The following CNDP2 variants were observed in gnomAD, a reference collection of about 807,000 sequenced individuals.
The protein encoded by CNDP2 is carnosine dipeptidase 2, also known as cytosolic non-specific dipeptidase.
A neutral mutation model predicts 55.0 loss-of-function variants in CNDP2; 38 were observed. That is an observed-to-expected ratio of 0.69 (90% CI 0.53 to 0.90). CNDP2 has a LOEUF of 0.90. CNDP2 is among the 40% of genes least tolerant of loss of function. CNDP2 has a pLI of 0.00. For missense variants in CNDP2, 607 were observed against 621.7 expected, an observed-to-expected ratio of 0.98 and a Z score of 0.25; for synonymous variants, 241 against 260.2, an observed-to-expected ratio of 0.93 and a Z score of 0.71.
chr18:74,500,634 T>C (rs17089353), intron 2 of CNDP2, among the ~76,000 whole-genome samples: 12,804 of 152,236 alleles, frequency 0.084, 1,239 homozygotes, highest in African/African-American at 0.24. Context: ...ACATTTTTCT[T>C]TTGTACTCTA....
Position 74,506,024 on chromosome 18 carries a change from C to T in CNDP2, c.367+13C>T, listed in dbSNP as rs754796315. On this transcript the variant is annotated intron_variant, in intron 4 of 11. Coordinates refer to ENST00000324262, the MANE Select transcript of CNDP2 (RefSeq NM_018235.3). The stretch of plus-strand genomic sequence containing the variant: ...GTGGAGCGAGACGGTGAGCGCCGCG[C>T]GCCTATGCGTGCCCAGAGGAAAGGC... 2.6e-5 allele frequency: 40 copies of T among 1,553,484 alleles called. No homozygotes were observed. The African/African-American group carries it at 2.7e-4, about 10-fold the overall frequency.
At chr18:74,513,061 C>T (rs1011086501) in intron 7 of CNDP2, among the ~76,000 whole-genome samples, 1 of 152,240 alleles carries the variant, frequency 6.6e-6, no homozygotes, top group Non-Finnish European at 1.5e-5. Flanking sequence ...CGCCAGCTGC[C>T]TGCGTGACGT....
At chr18:74,507,301 C>T (rs139679511) in intron 4 of CNDP2, 1 of 152,782 alleles carries the variant, frequency 6.5e-6, no homozygotes. Flanking sequence ...ATCTCTCTGC[C>T]ACCTGCACTG....
intron 11 of CNDP2, 64 bp from the exon 12 acceptor site, chr18:74,519,935 C>T: frequency 5.4e-6 from 8 of 1,480,330 alleles, no homozygotes; most frequent in Non-Finnish European, 7.5e-6. Flanking sequence ...CGGGAGGAGT[C>T]ACCCCACACC....
chr18:74,498,194 C>T (rs780412032), intron 1 of CNDP2, among the ~76,000 whole-genome samples: 2 of 152,014 alleles, frequency 1.3e-5, no homozygotes, highest in East Asian at 1.9e-4. Flanking sequence ...CATTGTTAGG[C>T]GATTCGTTGT....
chr18:74,510,675 G>T, intron 5 of CNDP2, 138 bp from the exon 6 acceptor site: 3 of 726,386 alleles, frequency 4.1e-6, no homozygotes, highest in South Asian at 1.8e-5. Flanking sequence ...TGGGGAGGGG[G>T]TGATGACAGG....
At chr18:74,506,156 CAG>C in intron 4 of CNDP2, 145 bp downstream of exon 4, 5 of 720,098 alleles carry the variant, frequency 6.9e-6, no homozygotes, top group Non-Finnish European at 9.5e-6. Flanking sequence ...TTTTTTGAGA[CAG>C]AGTCTCACTC....
rs1980083993 is a variant in CNDP2 at position 74,522,086 on chromosome 18, C to CT, written c.*2019dup. 2.6e-5 allele frequency: 4 copies of CT among 152,330 alleles called. No homozygotes were observed. In the South Asian group the frequency reaches 8.3e-4, roughly 32 times the overall value. The allele number at this position is 152,330 out of a possible 1,614,324, so 9.4% of individuals were successfully genotyped here. ...TAGTTGGTTTTACGTGGATGTTAAT[C>CT]TCTTAGTTTTGATCATTGTGCTGTA... On this transcript the variant is annotated 3_prime_UTR_variant, in exon 12 of 12. Transcript: ENST00000324262.
chr18:74,517,028 C>T (rs1979715013), intron 9 of CNDP2: 1 of 150,692 alleles, frequency 6.6e-6, no homozygotes, highest in Non-Finnish European at 1.5e-5. Context: ...AAACGGATTC[C>T]TCACTGTTTC....
At chr18:74,519,877 C>T (rs1979947912) in intron 11 of CNDP2, 122 bp from the exon 12 acceptor site, 2 of 826,690 alleles carry the variant, frequency 2.4e-6, no homozygotes, top group East Asian at 5.5e-5. Flanking sequence ...GGCCCCCAAG[C>T]TGGGATGGGG....
At chr18:74,512,244 G>A in intron 6 of CNDP2, 1 of 552,028 alleles carries the variant, frequency 1.8e-6, no homozygotes, top group Non-Finnish European at 3.2e-6. Flanking sequence ...TCTGTGGTTG[G>A]CATATGCCAC....
intron 1 of CNDP2, among the ~76,000 whole-genome samples, chr18:74,498,427 G>A (rs1291521651): frequency 2.0e-5 from 3 of 152,076 alleles, no homozygotes; most frequent in African/African-American, 7.2e-5. Flanking sequence ...TGGGACCACC[G>A]CTGTTGTTGA....
chr18:74,513,519 G>T, intron 7 of CNDP2, 40 bp from the exon 8 acceptor site: 1 of 1,578,384 alleles, frequency 6.3e-7, no homozygotes. Flanking sequence ...CCTTGGTGCG[G>T]CCTCCCCTGA....
intron 3 of CNDP2, among the ~76,000 whole-genome samples, chr18:74,504,180 G>A (rs544824657): frequency 1.4e-5 from 2 of 145,838 alleles, no homozygotes; most frequent in East Asian, 2.1e-4. Context: ...CACTGCACAC[G>A]CAGCCACACT....
At chr18:74,501,520 C>G in intron 3 of CNDP2, 48 bp downstream of exon 3, 3 of 1,555,902 alleles carry the variant, frequency 1.9e-6, no homozygotes, top group Non-Finnish European at 2.6e-6. Flanking sequence ...CAGATTCTGC[C>G]TGAGGGGTTG....
chr18:74,507,210 C>T (rs1217684549), intron 4 of CNDP2: 1 of 152,396 alleles, frequency 6.6e-6, no homozygotes, highest in Non-Finnish European at 1.5e-5. Flanking sequence ...CGTGCCCTCA[C>T]TCCTGGAACT....
chr18:74,522,144 C>T lies in CNDP2; in HGVS notation c.*2076C>T, dbSNP rs1221648478. 1 of 152,230 alleles carries T rather than the reference C, an allele frequency of 6.6e-6. No homozygotes were observed. The highest frequency in any genetic ancestry group is 1.5e-5 in the Non-Finnish European group (1 of 68,052). 9.4% of individuals were successfully genotyped at this position (152,230 alleles called of 1,614,324 possible). On this transcript the variant is annotated 3_prime_UTR_variant, in exon 12 of 12. Transcript: ENST00000324262. ...AAGAGGTTAGCTGGGTGAAGTGTAT[C>T]TGGGGACCCTCTATGGCTTTTGCAT...
rs1979666349 is a variant in CNDP2 at position 74,516,375 on chromosome 18, G to A, written c.1051G>A (p.Glu351Lys). The A allele has an allele frequency of 6.2e-7, 1 of 1,611,704 alleles. No individual in the cohort carries two copies. Among genetic ancestry groups the A allele is most frequent in the African/African-American group, 1.3e-5 (1 of 75,002 alleles). Reference sequence around the variant, plus strand: ...CAGGCTCGTGCCGAACATGACTCCTGAAGTCGTCGGCGAGCAGGCATGTGG... The same window carrying A: ...CAGGCTCGTGCCGAACATGACTCCTAAAGTCGTCGGCGAGCAGGCATGTGG... ...SIRLVPNMTP[E>K]VVGEQVTSYL... The change falls in exon 9 of 12, where the codon GAA (glutamate) becomes AAA (lysine). Residue 351 changes from glutamate to lysine, a missense_variant. By Grantham distance (56) the Glu-to-Lys change is moderately conservative. Transcript: ENST00000324262.
chr18:74,505,856 A>G lies in CNDP2; in HGVS notation c.212A>G (p.Asp71Gly), dbSNP rs1285799569. The G allele has an allele frequency of 1.9e-6, 3 of 1,612,202 alleles. No individual in the cohort carries two copies. Residue 71 changes from aspartate to glycine, a missense_variant, in exon 4 of 12, where the codon GAT becomes GGT. Transcript: ENST00000324262. ...TTTCCTCTCCATGCTCAGCTCCCTG[A>G]TGGCTCGGAGATCCCGCTCCCTCCT... ...LVDIGKQKLP[D>G]GSEIPLPPIL...
Sources: allele counts gnomAD v4.1 joint callset (sites outside exome capture counted in the v4.1 genomes callset), GRCh38; gene constraint gnomAD v4.1.1; transcripts MANE v1.5; gene names NCBI Gene and HGNC (gene_info 2026-07-23, HGNC 2026-07-21).